The following C7 variants were observed in gnomAD, a reference collection of about 807,000 sequenced individuals.
C7 encodes the protein complement C7, also known as complement component C7.
A neutral mutation model predicts 104.8 loss-of-function variants in C7; 83 were observed. The ratio of observed to expected loss-of-function variants is 0.79; its 90% confidence interval spans 0.66 to 0.95. C7 has a LOEUF of 0.95. Ranked by LOEUF, C7 falls within the 40% of genes least tolerant of loss-of-function variation. The probability of loss-of-function intolerance (pLI) is 0.00; values close to 1 mark genes in which losing one functional copy is unlikely to be tolerated. For missense variants in C7, 1,070 were observed against 1,011.2 expected (o/e 1.06, Z -0.79); for synonymous variants, 415 against 360.6 (o/e 1.15, Z -1.71).
At chr5:40,909,974 A>ATTTTTTTTT (rs1259880340) in intron 1 of C7, among the ~76,000 whole-genome samples, 6 of 124,632 alleles carry the variant, frequency 4.8e-5, no homozygotes, top group East Asian at 2.3e-4. Context: ...CCTCTGGTGT[A>ATTTTTTTTT]TTTTTTTTTT....
At chr5:40,954,890 A>AAAAAAAG in intron 9 of C7, 4 of 267,440 alleles carry the variant, frequency 1.5e-5, no homozygotes, top group Non-Finnish European at 2.8e-5. Flanking sequence ...AAAAAAAAAA[A>AAAAAAAG]AAAAAAAAAA....
chr5:40,924,286 A>G (rs778564223), intron 1 of C7, among the ~76,000 whole-genome samples: 1 of 152,074 alleles, frequency 6.6e-6, no homozygotes, highest in Non-Finnish European at 1.5e-5. Context: ...CTTCAAAATA[A>G]TCTCCCTTGG....
chr5:40,945,875 CATAT>C (rs58480949), intron 7 of C7, among the ~76,000 whole-genome samples: 28,453 of 126,672 alleles, frequency 0.22, 3,148 homozygotes, highest in Middle Eastern at 0.29. Flanking sequence ...AAAAAAAATA[CATAT>C]ATATATATAT....
At chr5:40,966,577 C>T (rs1740559613) in intron 14 of C7, among the ~76,000 whole-genome samples, 2 of 152,040 alleles carry the variant, frequency 1.3e-5, no homozygotes, top group Admixed American at 1.3e-4. Flanking sequence ...TGGGGTTTCA[C>T]TCTGTTGGCC....
In C7 at chr5:40,959,550, G is replaced by A. The variant is rs569813280; in HGVS notation, c.1591G>A (p.Gly531Ser). The A allele has an allele frequency of 9.3e-6, 15 of 1,610,736 alleles. No homozygotes were observed. The highest frequency in any genetic ancestry group is 2.2e-5 in the East Asian group (1 of 44,838). The stretch of plus-strand genomic sequence containing the variant: ...ATGCAATAACCCACCTCCCAGTGGG[G>A]GTGGGAGATCCTGCGTTGGAGAAAC... ...RECNNPPPSG[G>S]GRSCVGETTE... Residue 531 changes from glycine to serine, a missense_variant, in exon 12 of 18, where the codon GGT becomes AGT. Physicochemically the swap from Gly to Ser is moderately conservative, Grantham distance 56. Coordinates refer to ENST00000313164, the MANE Select transcript of C7 (RefSeq NM_000587.4).
At chr5:40,928,840 T>A (rs945067952) in intron 2 of C7, among the ~76,000 whole-genome samples, 1 of 152,210 alleles carries the variant, frequency 6.6e-6, no homozygotes, top group African/African-American at 2.4e-5. Flanking sequence ...AATTCTCTTG[T>A]AAAATTATTT....
At chr5:40,942,732 G>A (rs1393118014) in intron 6 of C7, among the ~76,000 whole-genome samples, 1 of 151,560 alleles carries the variant, frequency 6.6e-6, no homozygotes, top group African/African-American at 2.4e-5. Context: ...ATTTGTAGTG[G>A]CACCAATCCG....
intron 7 of C7, among the ~76,000 whole-genome samples, chr5:40,946,517 C>T (rs1182628166): frequency 1.3e-5 from 2 of 152,072 alleles, no homozygotes; most frequent in African/African-American, 4.8e-5. Context: ...GGGGATTTGG[C>T]AAAAGTAGAT....
At position 40,909,512 on chromosome 5, in the gene C7, G is replaced by A. The variant is rs1739162152; in HGVS notation, c.-99G>A. ...AATCTAGAGCAGGGAGAGGCAGAGA[G>A]GCAGGCAGCCTGCTGGGCTCTTCCT... On this transcript the variant is annotated 5_prime_UTR_variant, in exon 1 of 18. Transcript: ENST00000313164. The A allele has an allele frequency of 1.5e-5, 12 of 825,918 alleles. No homozygotes were observed. The South Asian group carries it at 2.2e-4, about 15-fold the overall frequency. 51.2% of individuals were successfully genotyped at this position (825,918 alleles called of 1,614,324 possible).
rs1322356127 is a variant in C7 at position 40,957,983 on chromosome 5, ATTC to A, written c.1261-47_1261-45del. Reference sequence around the variant, plus strand: ...CGTGCCTAAACATGAAAAGCAAAATATTCTTGCCTAAATCCCTGATTACTGACT... The same window carrying A: ...CGTGCCTAAACATGAAAAGCAAAATATTGCCTAAATCCCTGATTACTGACT... On this transcript the variant is annotated intron_variant, in intron 10 of 17. Coordinates refer to ENST00000313164, the MANE Select transcript of C7 (RefSeq NM_000587.4). The A allele has an allele frequency of 3.7e-6, 5 of 1,351,002 alleles. No homozygotes were observed. In the Admixed American group the frequency reaches 1.2e-4, roughly 32 times the overall value. 83.7% of individuals were successfully genotyped at this position (1,351,002 alleles called of 1,614,324 possible).
intron 9 of C7, among the ~76,000 whole-genome samples, chr5:40,952,364 A>G (rs1740188426): frequency 6.6e-6 from 1 of 152,178 alleles, no homozygotes; most frequent in Admixed American, 6.5e-5. Context: ...CTTGACTTGC[A>G]TTGGGCTGCC....
chr5:40,972,522 C>T lies in C7; in HGVS notation c.2002C>T (p.Pro668Ser). 6.2e-7 allele frequency: 1 copy of T among 1,613,652 alleles called. No homozygotes were observed. The highest frequency in any genetic ancestry group is 8.5e-7 in the Non-Finnish European group (1 of 1,179,698). ...SCSGGMSLEG[P>S]SAFLCGSSLK... ...TTCAGGTGGCATGTCCTTAGAAGGT[C>T]CTTCAGCATTTCTCTGTGGCTCCAG... Residue 668 changes from proline to serine, a missense_variant, in exon 15 of 18, where the codon CCT becomes TCT. Pro to Ser is a moderately conservative substitution (Grantham distance 74, BLOSUM62 -1). Transcript: ENST00000313164.
intron 1 of C7, among the ~76,000 whole-genome samples, chr5:40,921,281 T>C (rs1739432460): frequency 6.6e-6 from 1 of 151,980 alleles, no homozygotes; most frequent in South Asian, 2.1e-4. Flanking sequence ...CAAAAAATAC[T>C]ATAAAACACT....
chr5:40,959,360 C>T, intron 11 of C7, 89 bp from the exon 12 acceptor site: 1 of 1,168,510 alleles, frequency 8.6e-7, no homozygotes, highest in Non-Finnish European at 1.2e-6. Context: ...TGATCTCTTC[C>T]TCCAATTAAC....
chr5:40,915,425 ATTGAAGT>A (rs1002453310), intron 1 of C7, among the ~76,000 whole-genome samples: 44 of 152,306 alleles, frequency 2.9e-4, no homozygotes, highest in African/African-American at 1.0e-3. Flanking sequence ...TGGAGGATAA[ATTGAAGT>A]TTGAATATTA....
intron 1 of C7, among the ~76,000 whole-genome samples, chr5:40,910,502 A>G (rs1269729215): frequency 6.6e-6 from 1 of 152,182 alleles, no homozygotes; most frequent in Non-Finnish European, 1.5e-5. Flanking sequence ...GATCTTGATT[A>G]AGCCATGCCT....
Position 40,936,447 on chromosome 5 carries a change from C to T in C7, c.390C>T (p.Ile130=), listed in dbSNP as rs376056883. The part of the protein sequence containing the change: ...EDSERRPSCD[I]DKPPPNIELT... Reference sequence around the variant, plus strand: ...CAGAAAGGAGACCTTCCTGTGATATCGATAAACCTCCTCCTAACATAGAAC... The same window carrying T: ...CAGAAAGGAGACCTTCCTGTGATATTGATAAACCTCCTCCTAACATAGAAC... Residue 130 remains isoleucine (I), a synonymous_variant, in exon 5 of 18, where the codon ATC becomes ATT. Transcript: ENST00000313164. 6.7e-5 allele frequency: 108 copies of T among 1,612,984 alleles called. No homozygotes were observed. Among genetic ancestry groups the T allele is most frequent in the African/African-American group, 8.0e-5 (6 of 74,864 alleles).
intron 1 of C7, among the ~76,000 whole-genome samples, chr5:40,920,009 TAG>T (rs1324370551): frequency 6.6e-6 from 1 of 151,782 alleles, no homozygotes; most frequent in Non-Finnish European, 1.5e-5. Context: ...ATAAATGAAA[TAG>T]AGACTAGAAA....
At chr5:40,981,347 G>T (rs757434576) in intron 17 of C7, 45 bp from the exon 18 acceptor site, 1 of 1,562,576 alleles carries the variant, frequency 6.4e-7, no homozygotes, top group Non-Finnish European at 8.7e-7. Context: ...TTGACTCCCC[G>T]ACCTCCACAA....
Sources: allele counts gnomAD v4.1 joint callset (sites outside exome capture counted in the v4.1 genomes callset), GRCh38; gene constraint gnomAD v4.1.1; transcripts MANE v1.5; gene names NCBI Gene and HGNC (gene_info 2026-07-23, HGNC 2026-07-21).